RAD18: variants seen among roughly 807,000 people sequenced by gnomAD.
The protein encoded by RAD18 is RAD18 E3 ubiquitin protein ligase, also known as E3 ubiquitin-protein ligase RAD18.
RAD18 carries 47 observed loss-of-function variants against 60.4 expected under a neutral mutation model. The ratio of observed to expected loss-of-function variants is 0.78; its 90% confidence interval spans 0.62 to 0.99. The LOEUF is 0.99. RAD18 is among the 50% of genes least tolerant of loss of function. The pLI is 0.00. For missense variants in RAD18, 640 were observed against 593.3 expected, an observed-to-expected ratio of 1.08 and a Z score of -0.82; for synonymous variants, 225 against 195.5, an observed-to-expected ratio of 1.15 and a Z score of -1.26.
At chr3:8,889,891 G>A (rs1236996523) in intron 12 of RAD18, among the ~76,000 whole-genome samples, 1 of 152,196 alleles carries the variant, frequency 6.6e-6, no homozygotes, top group South Asian at 2.1e-4. Context: ...AATTACGTAA[G>A]ATTATAATAC....
At chr3:8,906,269 C>G (rs943574667) in intron 9 of RAD18, among the ~76,000 whole-genome samples, 3 of 152,098 alleles carry the variant, frequency 2.0e-5, no homozygotes, top group South Asian at 2.1e-4. Flanking sequence ...TCAAAAAGGT[C>G]AGAAAGCCAC....
intron 12 of RAD18, among the ~76,000 whole-genome samples, chr3:8,884,650 C>G (rs1364711061): frequency 6.6e-6 from 1 of 152,034 alleles, no homozygotes; most frequent in Non-Finnish European, 1.5e-5. Context: ...TGTTTCCCCT[C>G]TTTGATTTGC....
At chr3:8,904,494 G>A (rs1323492441) in intron 9 of RAD18, among the ~76,000 whole-genome samples, 1 of 152,036 alleles carries the variant, frequency 6.6e-6, no homozygotes, top group African/African-American at 2.4e-5. Flanking sequence ...TAAAATGTAT[G>A]GCATATTTTA....
chr3:8,917,925 A>G (rs1940235758), intron 7 of RAD18, among the ~76,000 whole-genome samples: 1 of 152,248 alleles, frequency 6.6e-6, no homozygotes, highest in Admixed American at 6.5e-5. Flanking sequence ...GTATGGAAAG[A>G]GATGTCTCAT....
At chr3:8,945,749 C>A (rs772821689) in intron 4 of RAD18, among the ~76,000 whole-genome samples, 1 of 151,822 alleles carries the variant, frequency 6.6e-6, no homozygotes, top group African/African-American at 2.4e-5. Context: ...GGATTACAGG[C>A]GTCAGCCACC....
At chr3:8,894,049 G>C (rs2125048223) in intron 11 of RAD18, among the ~76,000 whole-genome samples, 1 of 152,172 alleles carries the variant, frequency 6.6e-6, no homozygotes, top group South Asian at 2.1e-4. Flanking sequence ...ACTTGACAAA[G>C]GCTGAGAGAA....
rs1407174119 is a variant in RAD18, at chr3:8,927,668, C to T, written c.889+8203G>A. On this transcript the variant is annotated intron_variant, in intron 7 of 12. Coordinates refer to ENST00000264926, the MANE Select transcript of RAD18 (RefSeq NM_020165.4). ...AAGACTAGGAACCAACCCAAATGTC[C>T]AACAATGATAGACTGGGTTAAGAAA... 2.6e-5 allele frequency among the ~76,000 whole-genome samples: 4 copies of T among 152,116 alleles called. No homozygotes were observed. In the East Asian group the frequency reaches 7.7e-4, roughly 29 times the overall value.
Position 8,912,368 on chromosome 3 carries a change from A to G in RAD18, c.971T>C (p.Met324Thr), listed in dbSNP as rs2125054914. The G allele has an allele frequency of 1.9e-6, 3 of 1,546,572 alleles. No homozygotes were observed. The highest frequency in any genetic ancestry group is 1.7e-4 in the Middle Eastern group (1 of 5,890). Residue 324 changes from methionine to threonine, a missense_variant, in exon 9 of 13, where the codon ATG becomes ACG. Transcript: ENST00000264926. ...LEASKLNESV[M>T]VFTKDQTEKE... ...TTCTGTTTGGTCCTTTGTAAAAACC[A>G]TTACCTAAAATAATCAAAAAAAGAC...
Position 8,879,730 on chromosome 3 carries a change from G to A in RAD18, c.*1627C>T, listed in dbSNP as rs1002421146. On this transcript the variant is annotated 3_prime_UTR_variant, in exon 13 of 13. Transcript: ENST00000264926. ...CACCCCACTGGGAACCATTGTTCTA[G>A]ATGATCTTTGGCCACCTTTGTATTC... 7 of 152,268 alleles carry A rather than the reference G, an allele frequency of 4.6e-5. No individual in the cohort carries two copies. Among genetic ancestry groups the A allele is most frequent in the Non-Finnish European group, 8.8e-5 (6 of 68,050 alleles). 9.4% of individuals were successfully genotyped at this position (152,268 alleles called of 1,614,324 possible).
At chr3:8,943,033 G>A (rs568236427) in intron 4 of RAD18, among the ~76,000 whole-genome samples, 109 of 152,290 alleles carry the variant, frequency 7.2e-4, no homozygotes, top group African/African-American at 2.5e-3. Context: ...TATAAACAAA[G>A]CTCAAACAGA....
At chr3:8,898,541 C>T (rs557645300) in intron 11 of RAD18, among the ~76,000 whole-genome samples, 20 of 152,232 alleles carry the variant, frequency 1.3e-4, no homozygotes, top group South Asian at 4.2e-4. Context: ...CCCTCCTATG[C>T]GCCATGTCTT....
chr3:8,924,768 G>A (rs1489501068), intron 7 of RAD18, among the ~76,000 whole-genome samples: 33 of 141,658 alleles, frequency 2.3e-4, no homozygotes, highest in East Asian at 1.2e-3. Context: ...ACTCAAAACC[G>A]CTCAACTACA....
intron 9 of RAD18, among the ~76,000 whole-genome samples, chr3:8,905,168 T>A (rs413925): frequency 0.75 from 114,797 of 152,216 alleles, 43,666 homozygotes; most frequent in South Asian, 0.87. Flanking sequence ...TCCTGGATTT[T>A]CCTCTTAAAA....
intron 9 of RAD18, among the ~76,000 whole-genome samples, chr3:8,906,143 T>A (rs1012838929): frequency 6.6e-5 from 10 of 152,128 alleles, no homozygotes; most frequent in African/African-American, 1.9e-4. Flanking sequence ...ATAGAAAGTA[T>A]CAGAATGCGT....
intron 7 of RAD18, among the ~76,000 whole-genome samples, chr3:8,923,246 C>T (rs113204850): frequency 6.6e-6 from 1 of 152,144 alleles, no homozygotes; most frequent in African/African-American, 2.4e-5. Flanking sequence ...AAAACCATGG[C>T]ACAAAAACTA....
rs563426350 is a variant in RAD18 at position 8,917,679 on chromosome 3, A to G, written c.890-3959T>C. On this transcript the variant is annotated intron_variant, in intron 7 of 12. Transcript: ENST00000264926. ...ACAATAATAGAAATAAAATATAATAATAAAAATGCTCAATCCAAAAAACAG... is the reference window on the plus strand; with the variant it reads ...ACAATAATAGAAATAAAATATAATAGTAAAAATGCTCAATCCAAAAAACAG... 1.2e-3 allele frequency among the ~76,000 whole-genome samples: 166 copies of G among 134,152 alleles called. 3 individuals are homozygous for G. Among genetic ancestry groups the G allele is most frequent in the African/African-American group, 3.9e-3 (160 of 40,882 alleles). The allele number at this position is 134,152 out of a possible 152,430, so 88.0% of individuals were successfully genotyped here.
intron 9 of RAD18, among the ~76,000 whole-genome samples, chr3:8,903,082 A>ATCTTCT (rs1361327047): frequency 6.6e-6 from 1 of 152,068 alleles, no homozygotes; most frequent in Admixed American, 6.6e-5. Context: ...CAAGAACAGC[A>ATCTTCT]TCCTTAGGAA....
At chr3:8,894,911 C>T (rs1160291740) in intron 11 of RAD18, among the ~76,000 whole-genome samples, 1 of 152,036 alleles carries the variant, frequency 6.6e-6, no homozygotes, top group Non-Finnish European at 1.5e-5. Flanking sequence ...CAGGCACATG[C>T]TACTGCGCCT....
intron 10 of RAD18, among the ~76,000 whole-genome samples, chr3:8,899,952 G>T (rs1386130484): frequency 6.6e-6 from 1 of 152,114 alleles, no homozygotes; most frequent in Non-Finnish European, 1.5e-5. Flanking sequence ...AGAGGCAAGT[G>T]GTCTTCAACA....
Sources: gnomAD v4.1 joint callset for allele counts (sites outside exome capture counted in the v4.1 genomes callset) on GRCh38, gnomAD v4.1.1 for gene constraint, MANE v1.5 for transcripts, NCBI Gene and HGNC (gene_info 2026-07-23, HGNC 2026-07-21) for gene names.